The following MYCBP2 variants were observed in gnomAD, a reference collection of about 807,000 sequenced individuals.
The protein encoded by MYCBP2 is MYC binding protein 2.
A neutral mutation model predicts 525.3 loss-of-function variants in MYCBP2; 120 were observed. That is an observed-to-expected ratio of 0.23 (90% confidence interval 0.20 to 0.27). The LOEUF is 0.27. MYCBP2 is among the 10% of genes least tolerant of loss of function. The pLI is 1.00. For missense variants in MYCBP2, 4,149 were observed against 5,657.1 expected (o/e 0.73, Z 8.55); for synonymous variants, 1,894 against 1,955.8 (o/e 0.97, Z 0.83).
chr13:77,324,489 AATC>A (rs1483881467), intron 1 of MYCBP2, among the ~76,000 whole-genome samples: 1 of 152,242 alleles, frequency 6.6e-6, no homozygotes, highest in Non-Finnish European at 1.5e-5. Context: ...TTCTTAATCA[AATC>A]ATCAATAGAG....
chr13:77,317,731 G>A (rs1334400632), intron 1 of MYCBP2, among the ~76,000 whole-genome samples: 1 of 152,190 alleles, frequency 6.6e-6, no homozygotes, highest in Non-Finnish European at 1.5e-5. Flanking sequence ...GAGGTCAGGA[G>A]TTCGAGACCA....
Position 77,273,571 on chromosome 13 carries a change from G to A in MYCBP2, c.846C>T (p.Leu282=). The A allele has an allele frequency of 1.2e-6, 2 of 1,613,844 alleles. No homozygotes were observed. Among genetic ancestry groups the A allele is most frequent in the African/African-American group, 1.3e-5 (1 of 75,026 alleles). ...CTCCCCAAGAAGCCACCAGACTAAA[G>A]AGGCAAGCACAGGAAAGTGCTGTTA... ...QSLTALSCAC[L]FSLVASWGET... is the part of the protein sequence containing the mutation. Residue 282 remains leucine (L), a synonymous_variant, in exon 5 of 83, where the codon CTC becomes CTT. Transcript: ENST00000544440.
chr13:77,320,139 CTGTATAGATATTAGA>C (rs1264219323), intron 1 of MYCBP2, among the ~76,000 whole-genome samples: 3 of 152,190 alleles, frequency 2.0e-5, no homozygotes, highest in Non-Finnish European at 4.4e-5. Context: ...TATCCCTACA[CTGTATAGATATTAGA>C]TGTAAACTGC....
chr13:77,300,569 G>A (rs779016003), intron 1 of MYCBP2, among the ~76,000 whole-genome samples: 1 of 152,118 alleles, frequency 6.6e-6, no homozygotes, highest in Non-Finnish European at 1.5e-5. Context: ...GCTCGCCCCA[G>A]ATCTGGGGCA....
At chr13:77,278,675 CTT>C in intron 4 of MYCBP2, 81 bp downstream of exon 4, 1 of 1,202,146 alleles carries the variant, frequency 8.3e-7, no homozygotes, top group Non-Finnish European at 1.1e-6. Context: ...GAAATATTCT[CTT>C]AACAATTTTG....
At position 77,177,886 on chromosome 13, in the gene MYCBP2, G is replaced by C. The variant is rs779579051; in HGVS notation, c.5202C>G (p.Gly1734=). The C allele has an allele frequency of 2.5e-6, 4 of 1,613,578 alleles. No homozygotes were observed. In the South Asian group the frequency reaches 4.4e-5, roughly 18 times the overall value. Residue 1734 remains glycine, a synonymous_variant, in exon 35 of 83, where the codon GGC becomes GGG. Transcript: ENST00000544440. ...ACCCGTTCCCAGTGTTCCAACTTCT[G>C]CCCTGACTTGTTTTTGTAAATCGGT... The part of the protein sequence containing the change: ...SANRFTKTSQ[G]RSWNTGNGSP...
chr13:77,191,596 G>A (rs1595288708), intron 28 of MYCBP2, 83 bp downstream of exon 28: 4 of 1,486,224 alleles, frequency 2.7e-6, no homozygotes, highest in East Asian at 4.7e-5. Context: ...TTTGAATCCT[G>A]CTGAAAGTAC....
intron 14 of MYCBP2, among the ~76,000 whole-genome samples, chr13:77,254,985 T>C (rs1047869516): frequency 2.0e-5 from 3 of 152,044 alleles, no homozygotes; most frequent in African/African-American, 7.2e-5. Context: ...ACATTTTCTT[T>C]ACTCATTCAT....
At chr13:77,162,545 C>T (rs926255396) in intron 43 of MYCBP2, among the ~76,000 whole-genome samples, 6 of 152,014 alleles carry the variant, frequency 3.9e-5, no homozygotes, top group African/African-American at 1.2e-4. Flanking sequence ...AACCTCTAAC[C>T]AGTGCCGTGC....
chr13:77,103,033 T>C (rs1306316560), intron 55 of MYCBP2, among the ~76,000 whole-genome samples: 1 of 152,012 alleles, frequency 6.6e-6, no homozygotes, highest in Non-Finnish European at 1.5e-5. Flanking sequence ...ATCTATATTA[T>C]AATACTGAAT....
intron 14 of MYCBP2, among the ~76,000 whole-genome samples, chr13:77,257,188 A>G (rs1197803742): frequency 6.6e-6 from 1 of 152,150 alleles, no homozygotes; most frequent in Non-Finnish European, 1.5e-5. Context: ...AATTAAAACA[A>G]TTGAACTCAT....
chr13:77,246,310 A>T (rs1469807854), intron 15 of MYCBP2, among the ~76,000 whole-genome samples: 1 of 152,186 alleles, frequency 6.6e-6, no homozygotes, highest in Non-Finnish European at 1.5e-5. Context: ...ACTGTGACAC[A>T]GTAATATGCC....
At position 77,233,280 on chromosome 13, in the gene MYCBP2, T is replaced by G. The variant is rs778637744; in HGVS notation, c.2630-17A>C. 2 of 1,571,228 alleles carry G rather than the reference T, an allele frequency of 1.3e-6. No individual in the cohort carries two copies. Among genetic ancestry groups the G allele is most frequent in the African/African-American group, 2.7e-5 (2 of 73,858 alleles). On this transcript the variant is annotated splice_polypyrimidine_tract_variant and intron_variant, in intron 17 of 82. Coordinates refer to ENST00000544440, the MANE Select transcript of MYCBP2 (RefSeq NM_015057.5). ...CAAGGGGGCCTGAGGAGAAACATTT[T>G]GTATGTGCATAGAAAAACTCACAAA...
Position 77,103,536 on chromosome 13 carries a change from G to C in MYCBP2, c.8141-4523C>G, listed in dbSNP as rs531963296. Among the ~76,000 whole-genome samples, 5 of 152,140 alleles carry C rather than the reference G, an allele frequency of 3.3e-5. No homozygotes were observed. The South Asian group carries it at 6.2e-4, about 19-fold the overall frequency. On this transcript the variant is annotated intron_variant, in intron 55 of 82. Transcript: ENST00000544440. Reference sequence around the variant, plus strand: ...TTAATATGTGTTAAGGTCCAAATTTGTTAACTTAAAACTTAGTAAGGCTTA... The same window carrying C: ...TTAATATGTGTTAAGGTCCAAATTTCTTAACTTAAAACTTAGTAAGGCTTA...
In MYCBP2 at chr13:77,190,320, G is replaced by A. The variant is rs986675426; in HGVS notation, c.4086C>T (p.Phe1362=). 6.2e-7 allele frequency: 1 copy of A among 1,606,712 alleles called. No homozygotes were observed. The highest frequency in any genetic ancestry group is 8.5e-7 in the Non-Finnish European group (1 of 1,175,088). The change falls in exon 29 of 83, where the codon TTC becomes TTT. Residue 1362 remains phenylalanine (F), a synonymous_variant. Transcript: ENST00000544440. ...ITTDDGVVFQ[F]KSSKKSNNGT... ...CATTATTTGATTTCTTTGAACTCTT[G>A]AACTGGAAAACAACCCTAAGAAGAG...
chr13:77,216,076 T>C (rs2064782563), intron 21 of MYCBP2, among the ~76,000 whole-genome samples: 1 of 152,078 alleles, frequency 6.6e-6, no homozygotes, highest in Non-Finnish European at 1.5e-5. Context: ...AGATAAACCC[T>C]GAACAACTTG....
chr13:77,288,481 AC>A, intron 2 of MYCBP2, 105 bp from the exon 3 acceptor site: 1 of 922,790 alleles, frequency 1.1e-6, no homozygotes, highest in Non-Finnish European at 1.6e-6. Flanking sequence ...TGCAGAAGAC[AC>A]ATTATGTGAC....
intron 1 of MYCBP2, among the ~76,000 whole-genome samples, chr13:77,314,533 T>C (rs2080689413): frequency 1.3e-5 from 2 of 152,180 alleles, no homozygotes; most frequent in South Asian, 4.1e-4. Flanking sequence ...CCACATACTG[T>C]ATGATTTCAA....
At chr13:77,096,266 G>C in intron 57 of MYCBP2, 46 bp downstream of exon 57, 1 of 1,568,054 alleles carries the variant, frequency 6.4e-7, no homozygotes, top group Non-Finnish European at 8.7e-7. Context: ...TTTTTATACA[G>C]TGTATCCATA....
Sources: allele counts gnomAD v4.1 joint callset (sites outside exome capture counted in the v4.1 genomes callset), GRCh38; gene constraint gnomAD v4.1.1; transcripts MANE v1.5; gene names NCBI Gene and HGNC (gene_info 2026-07-23, HGNC 2026-07-21).